Variants in CD209 observed in about 807,000 individuals in gnomAD.
The protein encoded by CD209 is CD209 molecule, also known as CD209 antigen.
Under a neutral mutation model 44.7 loss-of-function variants are expected in CD209, and 31 were observed. The ratio of observed to expected loss-of-function variants is 0.69; its 90% confidence interval spans 0.52 to 0.94. CD209 has a LOEUF of 0.94. Ranked by LOEUF, CD209 falls within the 40% of genes least tolerant of loss-of-function variation. The pLI is 0.00. For synonymous variants in CD209, 173 were observed against 181.3 expected, an observed-to-expected ratio of 0.95 and a Z score of 0.37; for missense variants, 407 against 452.4, an observed-to-expected ratio of 0.90 and a Z score of 0.91.
At chr19:7,744,492 T>C (rs57889796) in intron 5 of CD209, among the ~76,000 whole-genome samples, 5,470 of 152,242 alleles carry the variant, frequency 0.036, 260 homozygotes, top group African/African-American at 0.11. Flanking sequence ...TGCATGTCCA[T>C]GCACATTTAC....
Position 7,743,061 on chromosome 19 carries a change from G to A in CD209, c.1193C>T (p.Thr398Ile). 1 of 1,613,612 alleles carries A rather than the reference G, an allele frequency of 6.2e-7. No individual in the cohort carries two copies. Among genetic ancestry groups the A allele is most frequent in the Middle Eastern group, 1.7e-4 (1 of 5,986 alleles). The change falls in exon 7 of 7, where the codon ACC (threonine) becomes ATC (isoleucine). Residue 398 changes from threonine to isoleucine, a missense_variant. Physicochemically the swap from Thr to Ile is moderately conservative, Grantham distance 89 (BLOSUM62 -1). Coordinates refer to ENST00000315599, the MANE Select transcript of CD209 (RefSeq NM_021155.4). ...EEQFLSPAPA[T>I]PNPPPA ...CTGCTACGCAGGAGGGGGGTTTGGGGTGGCAGGGGCTGGAGAAAGAAACTG... is the reference window on the plus strand; with the variant it reads ...CTGCTACGCAGGAGGGGGGTTTGGGATGGCAGGGGCTGGAGAAAGAAACTG...
rs1599468555 is a variant in CD209 at position 7,741,457 on chromosome 19, A to C, written c.*1582T>G. 8 of 449,872 alleles carry C rather than the reference A, an allele frequency of 1.8e-5. No individual in the cohort carries two copies. Among genetic ancestry groups the C allele is most frequent in the Non-Finnish European group, 3.4e-5 (8 of 233,884 alleles). The allele number at this position is 449,872 out of a possible 1,614,324, so 27.9% of individuals were successfully genotyped here. ...CAGTGAGCCTAGATCGCGCCACTGCACTCCAGCCTGGCGACAGAGCAAGAC... is the reference window on the plus strand; with the variant it reads ...CAGTGAGCCTAGATCGCGCCACTGCCCTCCAGCCTGGCGACAGAGCAAGAC... On this transcript the variant is annotated 3_prime_UTR_variant, in exon 7 of 7. Transcript: ENST00000315599.
At chr19:7,744,040 G>A in intron 6 of CD209, 67 bp downstream of exon 6, 1 of 1,314,310 alleles carries the variant, frequency 7.6e-7, no homozygotes. Flanking sequence ...AGGATCCCCA[G>A]GGAAAGTTCA....
At position 7,740,966 on chromosome 19, in the gene CD209, G is replaced by A; in HGVS notation, c.*2073C>T. ...GATGGAGTTAATTGTCCCTTCTACAGTAAAACAGGAGCTTGCAGATTTGGA... is the reference window on the plus strand; with the variant it reads ...GATGGAGTTAATTGTCCCTTCTACAATAAAACAGGAGCTTGCAGATTTGGA... On this transcript the variant is annotated 3_prime_UTR_variant, in exon 7 of 7. Transcript: ENST00000315599. The A allele has an allele frequency of 1.4e-6, 1 of 712,844 alleles. No homozygotes were observed. Among genetic ancestry groups the A allele is most frequent in the Non-Finnish European group, 2.6e-6 (1 of 390,328 alleles). 44.2% of individuals were successfully genotyped at this position (712,844 alleles called of 1,614,324 possible). A position where few individuals can be genotyped will look rare whatever the true frequency, so the allele number is the denominator to read the frequency against.
chr19:7,747,236 T>A, intron 2 of CD209, 70 bp downstream of exon 2: 1 of 1,525,018 alleles, frequency 6.6e-7, no homozygotes, highest in Non-Finnish European at 9.1e-7. Flanking sequence ...GGCCCCAGCG[T>A]CCAGCTCCTC....
At position 7,742,835 on chromosome 19, in the gene CD209, C is replaced by T. The variant is rs2033655850; in HGVS notation, c.*204G>A. The T allele has an allele frequency of 1.7e-6, 1 of 596,894 alleles. No homozygotes were observed. Among genetic ancestry groups the T allele is most frequent in the Non-Finnish European group, 3.0e-6 (1 of 335,686 alleles). 37.0% of individuals were successfully genotyped at this position (596,894 alleles called of 1,614,324 possible). On this transcript the variant is annotated 3_prime_UTR_variant, in exon 7 of 7. Coordinates refer to ENST00000315599, the MANE Select transcript of CD209 (RefSeq NM_021155.4). ...ACACAAGTCCACCCCCAAAGGCATC[C>T]CACACCAGCTCACTCATAAAGCTCC... is the stretch of plus-strand genomic sequence containing the variant.
chr19:7,745,735 C>T lies in CD209; in HGVS notation c.531G>A (p.Lys177=). The change falls in exon 4 of 7, where the codon AAG becomes AAA. Residue 177 remains lysine (K), a synonymous_variant. Coordinates refer to ENST00000315599, the MANE Select transcript of CD209 (RefSeq NM_021155.4). ...QEIYQELTRL[K]AAVGELPEKS... Reference sequence around the variant, plus strand: ...TCTCTGGAAGCTCACCCACTGCAGCCTTCAGCCGAGTCAGCTCCTGGTAGA... The same window carrying T: ...TCTCTGGAAGCTCACCCACTGCAGCTTTCAGCCGAGTCAGCTCCTGGTAGA... 1.2e-6 allele frequency: 2 copies of T among 1,602,522 alleles called. No homozygotes were observed.
intron 2 of CD209, among the ~76,000 whole-genome samples, chr19:7,746,813 A>G (rs549625432): frequency 1.5e-4 from 22 of 148,792 alleles, no homozygotes; most frequent in African/African-American, 4.7e-4. Flanking sequence ...GGTCCCTGGA[A>G]CCCAGGCCCC....
At position 7,740,887 on chromosome 19, in the gene CD209, G is replaced by A. The variant is rs1391835763; in HGVS notation, c.*2152C>T. Reference sequence around the variant, plus strand: ...CAGGCTGAAAATGAGTTGGAAAATGGCGCCACATGGCAAAACCCGGAACCC... The same window carrying A: ...CAGGCTGAAAATGAGTTGGAAAATGACGCCACATGGCAAAACCCGGAACCC... On this transcript the variant is annotated 3_prime_UTR_variant, in exon 7 of 7. Transcript: ENST00000315599. 2 of 734,846 alleles carry A rather than the reference G, an allele frequency of 2.7e-6. No individual in the cohort carries two copies. Among genetic ancestry groups the A allele is most frequent in the Non-Finnish European group, 5.0e-6 (2 of 400,662 alleles). 45.5% of individuals were successfully genotyped at this position (734,846 alleles called of 1,614,324 possible). A position where few individuals can be genotyped will look rare whatever the true frequency, so the allele number is the denominator to read the frequency against.
rs1009363049 is a variant in CD209, at chr19:7,742,745, T to C, written c.*294A>G. On this transcript the variant is annotated 3_prime_UTR_variant, in exon 7 of 7. Transcript: ENST00000315599. ...GTATAAGATAACGCCCCAGGGGACA[T>C]AGCAGCTACACATGGCAACCCAAAT... 3 of 469,630 alleles carry C rather than the reference T, an allele frequency of 6.4e-6. No homozygotes were observed. The highest frequency in any genetic ancestry group is 1.2e-5 in the Non-Finnish European group (3 of 257,882). 29.1% of individuals were successfully genotyped at this position (469,630 alleles called of 1,614,324 possible).
chr19:7,746,346 G>A, intron 3 of CD209, 114 bp downstream of exon 3: 1 of 1,237,016 alleles, frequency 8.1e-7, no homozygotes, highest in Admixed American at 1.9e-5. Flanking sequence ...AGACCCCCAG[G>A]GACAACATCT....
intron 3 of CD209, 50 bp from the exon 4 acceptor site, chr19:7,746,137 C>T: frequency 1.2e-6 from 2 of 1,608,824 alleles, no homozygotes; most frequent in Middle Eastern, 1.7e-4. Context: ...CTACTGTGTG[C>T]CAAGCCTTGA....
intron 6 of CD209, among the ~76,000 whole-genome samples, chr19:7,743,838 C>T (rs1395089335): frequency 6.6e-6 from 1 of 152,164 alleles, no homozygotes; most frequent in Admixed American, 6.5e-5. Context: ...GAGCTGGTGG[C>T]CTTACTGGAC....
At chr19:7,745,434 C>A (rs2033773919) in intron 4 of CD209, 84 bp downstream of exon 4, 7 of 1,609,072 alleles carry the variant, frequency 4.4e-6, no homozygotes. Context: ...AGGAAACTTG[C>A]TCAGGCAGGG....
intron 2 of CD209, 44 bp downstream of exon 2, chr19:7,747,262 A>G: frequency 1.9e-6 from 3 of 1,604,438 alleles, no homozygotes; most frequent in Non-Finnish European, 2.6e-6. Context: ...CCAGGAGTCC[A>G]GGAGTCTCTC....
chr19:7,740,440 G>T lies in CD209; in HGVS notation c.*2599C>A. On this transcript the variant is annotated 3_prime_UTR_variant, in exon 7 of 7. Coordinates refer to ENST00000315599, the MANE Select transcript of CD209 (RefSeq NM_021155.4). ...TTATAAAGGATACAACTAGAGGGGC[G>T]GGGCGGTGCCGGCAAGATGGCTGCG... 1 of 709,342 alleles carries T rather than the reference G, an allele frequency of 1.4e-6. No homozygotes were observed. Among genetic ancestry groups the T allele is most frequent in the East Asian group, 2.6e-5 (1 of 38,178 alleles). 43.9% of individuals were successfully genotyped at this position (709,342 alleles called of 1,614,324 possible).
Position 7,741,551 on chromosome 19 carries a change from C to A in CD209, c.*1488G>T. On this transcript the variant is annotated 3_prime_UTR_variant, in exon 7 of 7. Coordinates refer to ENST00000315599, the MANE Select transcript of CD209 (RefSeq NM_021155.4). The stretch of plus-strand genomic sequence containing the variant: ...GAGTGATTCAGTTCAAGGTCAGTTG[C>A]AACTTGGAACCTCACCTGAGGGGCA... 1 of 637,904 alleles carries A rather than the reference C, an allele frequency of 1.6e-6. No individual in the cohort carries two copies. Among genetic ancestry groups the A allele is most frequent in the Non-Finnish European group, 3.0e-6 (1 of 334,724 alleles). 39.5% of individuals were successfully genotyped at this position (637,904 alleles called of 1,614,324 possible). A position where few individuals can be genotyped will look rare whatever the true frequency, so the allele number is the denominator to read the frequency against.
Position 7,740,260 on chromosome 19 carries a change from C to A in CD209, c.*2779G>T. ...GTTCCTCGGTCTGAGCACTTAGGTT[C>A]CACGTGGATTTGCACGCTTCGTTCA... On this transcript the variant is annotated 3_prime_UTR_variant, in exon 7 of 7. Transcript: ENST00000315599. 2.4e-6 allele frequency: 1 copy of A among 418,226 alleles called. No individual in the cohort carries two copies. Among genetic ancestry groups the A allele is most frequent in the East Asian group, 5.4e-5 (1 of 18,574 alleles). The allele number at this position is 418,226 out of a possible 1,614,324, so 25.9% of individuals were successfully genotyped here.
In CD209 at chr19:7,743,113, C is replaced by T. The variant is rs770034550; in HGVS notation, c.1141G>A (p.Ala381Thr). 5.2e-5 allele frequency: 84 copies of T among 1,614,020 alleles called. No individual in the cohort carries two copies. The highest frequency in any genetic ancestry group is 2.7e-4 in the East Asian group (12 of 44,900). ...LAKFWICKKSAASCSRDEEQF... is the reference protein window; with the variant it reads ...LAKFWICKKSTASCSRDEEQF... ...TCTTCATCCCTGGAGCAGGAGGCTGCGGACTTTTTGCAGATCCAGAATTTG... is the reference window on the plus strand; with the variant it reads ...TCTTCATCCCTGGAGCAGGAGGCTGTGGACTTTTTGCAGATCCAGAATTTG... The change falls in exon 7 of 7, where the codon GCA becomes ACA. Residue 381 changes from alanine to threonine, a missense_variant. Ala to Thr is a moderately conservative substitution (Grantham distance 58). This residue lies in a region of CD209 where 200 missense variants were observed against 202.2 expected (regional missense o/e 0.99). Transcript: ENST00000315599.
Sources: gnomAD v4.1 joint callset for allele counts (sites outside exome capture counted in the v4.1 genomes callset) on GRCh38, gnomAD v4.1.1 for gene constraint, gnomAD v4.1.1 regional missense constraint, MANE v1.5 for transcripts, NCBI Gene and HGNC (gene_info 2026-07-23, HGNC 2026-07-21) for gene names.